The following NUDT13 variants were observed in gnomAD, a reference collection of about 807,000 sequenced individuals.
The protein encoded by NUDT13 is NAD(P)H pyrophosphatase NUDT13, mitochondrial.
NUDT13 carries 40 observed loss-of-function variants against 41.7 expected under a neutral mutation model. That is an observed-to-expected ratio of 0.96 (90% CI 0.75 to 1.25). The LOEUF is 1.25. Among genes scored for constraint, NUDT13 ranks in the 50% most tolerant of loss-of-function variants. NUDT13 has a pLI of 0.00. For synonymous variants in NUDT13, 145 were observed against 155.5 expected (o/e 0.93, Z 0.50); for missense variants, 390 against 416.1 (o/e 0.94, Z 0.55).
chr10:73,129,099 T>C (rs531545023), intron 8 of NUDT13, among the ~76,000 whole-genome samples: 1 of 151,874 alleles, frequency 6.6e-6, no homozygotes, highest in African/African-American at 2.4e-5. Flanking sequence ...CTCAAGTCAG[T>C]CAGGATGCTG....
chr10:73,115,458 G>A (rs1252824689), intron 2 of NUDT13, among the ~76,000 whole-genome samples: 2 of 150,124 alleles, frequency 1.3e-5, no homozygotes, highest in Non-Finnish European at 2.9e-5. Context: ...ACAGGCGTAA[G>A]TCACCAAACC....
At chr10:73,122,146 T>C in intron 3 of NUDT13, 29 bp from the exon 4 acceptor site, 1 of 1,605,694 alleles carries the variant, frequency 6.2e-7, no homozygotes, top group Non-Finnish European at 8.5e-7. Context: ...TGTGTTTTGC[T>C]TTTCTCCCTT....
intron 2 of NUDT13, among the ~76,000 whole-genome samples, chr10:73,119,737 C>A (rs1408005223): frequency 3.3e-5 from 5 of 152,068 alleles, no homozygotes; most frequent in African/African-American, 1.2e-4. Flanking sequence ...GCATACCTTC[C>A]CCTTAAGGAG....
chr10:73,130,762 C>T lies in NUDT13; in HGVS notation c.918C>T (p.Ala306=). 6.2e-7 allele frequency: 1 copy of T among 1,613,862 alleles called. No individual in the cohort carries two copies. The highest frequency in any genetic ancestry group is 8.5e-7 in the Non-Finnish European group (1 of 1,179,946). ...TAAWFSHDEV[A]TALKRKGPYT... ...CCTGGTTCAGTCATGATGAGGTAGC[C>T]ACAGCCCTGAAGAGAAAGGGCCCCT... Residue 306 remains alanine (A), a synonymous_variant, in exon 9 of 9, where the codon GCC becomes GCT. Transcript: ENST00000357321.
intron 7 of NUDT13, 118 bp from the exon 8 acceptor site, chr10:73,126,555 C>A: frequency 8.7e-7 from 1 of 1,151,950 alleles, no homozygotes; most frequent in Non-Finnish European, 1.2e-6. Context: ...TTTTAGGACA[C>A]TCCCAAGAGC....
rs111632320 is a variant in NUDT13 at position 73,122,063 on chromosome 10, T to C, written c.224-112T>C. On this transcript the variant is annotated intron_variant, in intron 3 of 8. Coordinates refer to ENST00000357321, the MANE Select transcript of NUDT13 (RefSeq NM_015901.6). The stretch of plus-strand genomic sequence containing the variant: ...TAATTAGCTGCAGTTGGAAGCCAAG[T>C]ATACCCACTTTAAGCTGAAGTAGAT... The C allele has an allele frequency of 1.4e-5, 17 of 1,258,634 alleles. 1 individual carries two copies. The African/African-American group carries it at 2.1e-4, about 15-fold the overall frequency. The allele number at this position is 1,258,634 out of a possible 1,614,324, so 78.0% of individuals were successfully genotyped here.
At chr10:73,112,380 T>C (rs1005497685) in intron 1 of NUDT13, among the ~76,000 whole-genome samples, 8 of 151,624 alleles carry the variant, frequency 5.3e-5, no homozygotes, top group African/African-American at 1.9e-4. Flanking sequence ...AAAAATATAA[T>C]TAAATACATA....
intron 3 of NUDT13, among the ~76,000 whole-genome samples, chr10:73,121,345 G>A (rs1012395361): frequency 6.6e-6 from 1 of 152,218 alleles, no homozygotes; most frequent in African/African-American, 2.4e-5. Flanking sequence ...TCAGAAGTTG[G>A]AGTACTTGGA....
intron 3 of NUDT13, among the ~76,000 whole-genome samples, chr10:73,121,185 G>A (rs1368910539): frequency 1.3e-5 from 2 of 152,122 alleles, no homozygotes; most frequent in African/African-American, 4.8e-5. Context: ...ACCAGCCTGG[G>A]CAACATAGTG....
At position 73,116,876 on chromosome 10, in the gene NUDT13, A is replaced by ATTTTTTTTTTTTTTTTTTTTTTTT. The variant is rs56229464; in HGVS notation, c.83+2433_83+2456dup. Among the ~76,000 whole-genome samples, 12 of 81,868 alleles carry ATTTTTTTTTTTTTTTTTTTTTTTT rather than the reference A, an allele frequency of 1.5e-4. 2 individuals are homozygous for ATTTTTTTTTTTTTTTTTTTTTTTT. The highest frequency in any genetic ancestry group is 8.9e-3 in the Middle Eastern group (1 of 112). 53.7% of individuals were successfully genotyped at this position (81,868 alleles called of 152,430 possible). A position where few individuals can be genotyped will look rare whatever the true frequency, so the allele number is the denominator to read the frequency against. On this transcript the variant is annotated intron_variant, in intron 2 of 8. Transcript: ENST00000357321. ...TGTACTCCTTTAACAGACTACAAGA[A>ATTTTTTTTTTTTTTTTTTTTTTTT]TTTTTTTTTTTTTTTTTTTTTTTTT... is the stretch of plus-strand genomic sequence containing the variant.
intron 2 of NUDT13, among the ~76,000 whole-genome samples, chr10:73,116,476 G>A (rs996664861): frequency 3.3e-5 from 5 of 152,048 alleles, no homozygotes; most frequent in Non-Finnish European, 7.4e-5. Context: ...GGGTGCAGTG[G>A]CTCATGCCTG....
At position 73,122,319 on chromosome 10, in the gene NUDT13, A is replaced by G. The variant is rs1194434416; in HGVS notation, c.358+10A>G. 1.2e-6 allele frequency: 2 copies of G among 1,605,630 alleles called. No individual in the cohort carries two copies. Among genetic ancestry groups the G allele is most frequent in the Admixed American group, 1.7e-5 (1 of 57,726 alleles). Reference sequence around the variant, plus strand: ...TCCTTTTCCATAAGTGGTACATGACATTATTCCTAACGGGTACTTCCCAGT... The same window carrying G: ...TCCTTTTCCATAAGTGGTACATGACGTTATTCCTAACGGGTACTTCCCAGT... On this transcript the variant is annotated intron_variant, in intron 4 of 8. Transcript: ENST00000357321.
intron 3 of NUDT13, among the ~76,000 whole-genome samples, chr10:73,120,894 C>T (rs564027720): frequency 1.3e-5 from 2 of 149,446 alleles, no homozygotes; most frequent in African/African-American, 5.0e-5. Context: ...GCCGAGATCA[C>T]GGCACTGCAC....
At chr10:73,112,302 G>A (rs531263210) in intron 1 of NUDT13, among the ~76,000 whole-genome samples, 10 of 152,094 alleles carry the variant, frequency 6.6e-5, no homozygotes, top group South Asian at 6.2e-4. Flanking sequence ...GCGGTGAGCC[G>A]AGATTGCGCC....
Position 73,125,430 on chromosome 10 carries a change from T to C in NUDT13, c.624T>C (p.Asp208=), listed in dbSNP as rs1248638531. ...MAPVAITLVS[D]GTRCLLARQS... is the part of the protein sequence containing the mutation. Reference sequence around the variant, plus strand: ...CTGTGGCGATCACGCTGGTGTCAGATGGGACCCGATGCCTGCTTGCCCGCC... The same window carrying C: ...CTGTGGCGATCACGCTGGTGTCAGACGGGACCCGATGCCTGCTTGCCCGCC... The change falls in exon 7 of 9, where the codon GAT becomes GAC. Residue 208 remains aspartate (D), a synonymous_variant. Transcript: ENST00000357321. The C allele has an allele frequency of 5.0e-6, 8 of 1,613,566 alleles. No individual in the cohort carries two copies. The highest frequency in any genetic ancestry group is 6.8e-6 in the Non-Finnish European group (8 of 1,179,814).
intron 1 of NUDT13, among the ~76,000 whole-genome samples, chr10:73,111,274 G>C (rs940413257): frequency 7.9e-5 from 12 of 151,972 alleles, no homozygotes; most frequent in African/African-American, 2.9e-4. Flanking sequence ...CACCGCGCCC[G>C]GCCTAAAAAA....
intron 5 of NUDT13, 61 bp from the exon 6 acceptor site, chr10:73,125,057 C>A (rs759384780): frequency 1.1e-5 from 17 of 1,537,144 alleles, no homozygotes; most frequent in Non-Finnish European, 1.5e-5. Flanking sequence ...AGGCCCAGTG[C>A]TGTTAAAGAT....
chr10:73,119,553 C>G (rs1842593483), intron 2 of NUDT13: 2 of 840,992 alleles, frequency 2.4e-6, no homozygotes, highest in Non-Finnish European at 2.9e-6. Flanking sequence ...TATCACTGTA[C>G]TTGTTTTCCT....
chr10:73,118,071 G>C (rs1462079139), intron 2 of NUDT13, among the ~76,000 whole-genome samples: 1 of 152,138 alleles, frequency 6.6e-6, no homozygotes, highest in Non-Finnish European at 1.5e-5. Flanking sequence ...GCAAGTACAG[G>C]TTGTACCACT....
Sources: gnomAD v4.1 joint callset for allele counts (sites outside exome capture counted in the v4.1 genomes callset) on GRCh38, gnomAD v4.1.1 for gene constraint, MANE v1.5 for transcripts, NCBI Gene and HGNC (gene_info 2026-07-23, HGNC 2026-07-21) for gene names.